The following TRPM3 variants were observed in gnomAD, a reference collection of about 807,000 sequenced individuals.
The protein encoded by TRPM3 is transient receptor potential cation channel subfamily M member 3, also known as long transient receptor potential channel 3.
A neutral mutation model predicts 181.2 loss-of-function variants in TRPM3; 77 were observed. The ratio of observed to expected loss-of-function variants is 0.42; its 90% CI spans 0.35 to 0.51. TRPM3 has a LOEUF of 0.51. TRPM3 is among the 20% of genes least tolerant of loss of function. The probability of loss-of-function intolerance (pLI) is 0.01; values close to 1 mark genes in which losing one functional copy is unlikely to be tolerated. For synonymous variants in TRPM3, 745 were observed against 796.4 expected (o/e 0.94, Z 1.09); for missense variants, 1,759 against 2,196.7 (o/e 0.80, Z 3.98).
intron 1 of TRPM3, among the ~76,000 whole-genome samples, chr9:70,891,858 T>G (rs1000546172): frequency 2.6e-5 from 4 of 152,190 alleles, no homozygotes; most frequent in African/African-American, 9.6e-5. Context: ...TCTGAAGATT[T>G]GCTGAAGACC....
At chr9:70,678,090 A>C (rs1165749883) in intron 9 of TRPM3, among the ~76,000 whole-genome samples, 1 of 152,078 alleles carries the variant, frequency 6.6e-6, no homozygotes, top group African/African-American at 2.4e-5. Context: ...GTGGAAGGCT[A>C]ATGCAGGAGG....
intron 6 of TRPM3, among the ~76,000 whole-genome samples, chr9:70,785,615 A>T (rs2083435790): frequency 6.6e-6 from 1 of 152,186 alleles, no homozygotes; most frequent in African/African-American, 2.4e-5. Context: ...CTATGCTTTT[A>T]TCTGATATCA....
intron 1 of TRPM3, among the ~76,000 whole-genome samples, chr9:71,409,992 C>A (rs1403659822): frequency 6.6e-6 from 1 of 152,168 alleles, no homozygotes. Flanking sequence ...ACTGAACAAC[C>A]TGCTCCTGAA....
intron 6 of TRPM3, among the ~76,000 whole-genome samples, chr9:70,799,891 C>T (rs2088386477): frequency 6.6e-6 from 1 of 152,164 alleles, no homozygotes. Flanking sequence ...TTTTGATCTC[C>T]ACCTGCCTGA....
chr9:70,672,238 A>G (rs1197807235), intron 9 of TRPM3, among the ~76,000 whole-genome samples: 1 of 152,170 alleles, frequency 6.6e-6, no homozygotes, highest in African/African-American at 2.4e-5. Flanking sequence ...TGATGAATTC[A>G]GGGATGGGCA....
intron 1 of TRPM3, among the ~76,000 whole-genome samples, chr9:71,144,754 C>T (rs1463622227): frequency 6.6e-6 from 1 of 151,820 alleles, no homozygotes; most frequent in Non-Finnish European, 1.5e-5. Context: ...TGCCCTTTGG[C>T]GATAAAATGT....
At chr9:71,311,553 G>A (rs1356954856) in intron 1 of TRPM3, among the ~76,000 whole-genome samples, 1 of 152,016 alleles carries the variant, frequency 6.6e-6, no homozygotes, top group Non-Finnish European at 1.5e-5. Flanking sequence ...ACAACTGGAT[G>A]TCCACATGCC....
intron 17 of TRPM3, among the ~76,000 whole-genome samples, chr9:70,618,126 T>C (rs1039722973): frequency 2.0e-5 from 3 of 152,186 alleles, no homozygotes; most frequent in Admixed American, 2.0e-4. Context: ...ACATTTTCCT[T>C]GAAAAACACT....
At chr9:70,852,309 C>T (rs11142618) in intron 3 of TRPM3, among the ~76,000 whole-genome samples, 54,899 of 151,572 alleles carry the variant, frequency 0.36, 10,342 homozygotes, top group Non-Finnish European at 0.38. Context: ...GTTTCACCCA[C>T]GTTTTACCGA....
intron 1 of TRPM3, among the ~76,000 whole-genome samples, chr9:71,269,395 G>T (rs1239726947): frequency 2.0e-5 from 3 of 152,116 alleles, no homozygotes; most frequent in Non-Finnish European, 4.4e-5. Context: ...TGGTTTAAGA[G>T]AAAAACTGAA....
At chr9:71,037,707 T>C (rs1366478816) in intron 1 of TRPM3, among the ~76,000 whole-genome samples, 2 of 152,214 alleles carry the variant, frequency 1.3e-5, no homozygotes, top group African/African-American at 4.8e-5. Context: ...GAAGAAGACA[T>C]GCACAGAAAC....
At chr9:71,233,792 A>G (rs2081208161) in intron 1 of TRPM3, among the ~76,000 whole-genome samples, 1 of 152,240 alleles carries the variant, frequency 6.6e-6, no homozygotes, top group South Asian at 2.1e-4. Context: ...AAGTCTTTAA[A>G]ATGTCATTCC....
intron 1 of TRPM3, among the ~76,000 whole-genome samples, chr9:71,014,610 T>G (rs1427816700): frequency 6.6e-6 from 1 of 152,072 alleles, no homozygotes; most frequent in Non-Finnish European, 1.5e-5. Flanking sequence ...CATCCTTCTT[T>G]GTTTCATTTG....
chr9:71,106,570 G>T (rs2069634809), intron 1 of TRPM3, among the ~76,000 whole-genome samples: 1 of 152,090 alleles, frequency 6.6e-6, no homozygotes, highest in African/African-American at 2.4e-5. Flanking sequence ...TATATAGCCT[G>T]CAGAACCATG....
At chr9:71,087,087 CAA>C (rs897088085) in intron 1 of TRPM3, among the ~76,000 whole-genome samples, 3 of 152,010 alleles carry the variant, frequency 2.0e-5, no homozygotes, top group Non-Finnish European at 4.4e-5. Flanking sequence ...TTCGTGGCCT[CAA>C]AAACTTTTAT....
intron 1 of TRPM3, among the ~76,000 whole-genome samples, chr9:71,410,692 G>A (rs113579042): frequency 5.3e-5 from 8 of 152,286 alleles, no homozygotes; most frequent in African/African-American, 1.9e-4. Context: ...AAAAGGAGCT[G>A]CTACCATTCC....
intron 6 of TRPM3, among the ~76,000 whole-genome samples, chr9:70,792,053 A>G (rs1481401230): frequency 1.3e-5 from 2 of 152,190 alleles, no homozygotes; most frequent in Non-Finnish European, 2.9e-5. Flanking sequence ...TCACTGTGGC[A>G]TGTGTACTGA....
At chr9:71,015,544 TA>T (rs1264314312) in intron 1 of TRPM3, among the ~76,000 whole-genome samples, 2 of 152,202 alleles carry the variant, frequency 1.3e-5, no homozygotes, top group Non-Finnish European at 2.9e-5. Flanking sequence ...TATAAGCAAG[TA>T]ATGGCATAAA....
chr9:70,675,837 C>T (rs56335964), intron 9 of TRPM3, among the ~76,000 whole-genome samples: 32,601 of 152,060 alleles, frequency 0.21, 4,278 homozygotes, highest in Non-Finnish European at 0.29. Flanking sequence ...GTCTTTTTGA[C>T]ATGAAAGAAT....
Sources: gnomAD v4.1 joint callset for allele counts (sites outside exome capture counted in the v4.1 genomes callset) on GRCh38, gnomAD v4.1.1 for gene constraint, MANE v1.5 for transcripts, NCBI Gene and HGNC (gene_info 2026-07-23, HGNC 2026-07-21) for gene names.